Variants in RAPGEF4 observed in about 807,000 individuals in gnomAD.
RAPGEF4 encodes the protein Rap guanine nucleotide exchange factor 4.
Under a neutral mutation model 147.9 loss-of-function variants are expected in RAPGEF4, and 66 were observed. The observed-to-expected ratio is 0.45, with a 90% CI of 0.37 to 0.55. The LOEUF (loss-of-function observed/expected upper bound fraction) is 0.55. Among genes scored for constraint, RAPGEF4 ranks in the 20% least tolerant of loss-of-function variants. RAPGEF4 has a pLI of 0.00. For synonymous variants in RAPGEF4, 419 were observed against 442.7 expected (o/e 0.95, Z 0.67); for missense variants, 1,071 against 1,257.3 (o/e 0.85, Z 2.24).
chr2:172,758,833 C>G (rs1340912858), intron 1 of RAPGEF4, among the ~76,000 whole-genome samples: 1 of 152,062 alleles, frequency 6.6e-6, no homozygotes, highest in Admixed American at 6.5e-5. Context: ...ATATATGCTT[C>G]TGGAGTTTGG....
intron 23 of RAPGEF4, among the ~76,000 whole-genome samples, chr2:173,022,329 C>T (rs1045085046): frequency 2.6e-5 from 4 of 152,202 alleles, no homozygotes; most frequent in Admixed American, 6.5e-5. Flanking sequence ...CTTGCTCGTC[C>T]TCTGTTTTAA....
chr2:172,791,054 TG>T (rs1189740498), intron 1 of RAPGEF4, among the ~76,000 whole-genome samples: 1 of 152,244 alleles, frequency 6.6e-6, no homozygotes, highest in Non-Finnish European at 1.5e-5. Context: ...GGCCTATTCC[TG>T]CAAGCCTTTT....
chr2:172,785,377 T>G (rs1454733826), intron 1 of RAPGEF4, among the ~76,000 whole-genome samples: 1 of 152,200 alleles, frequency 6.6e-6, no homozygotes. Context: ...CTTGAGATAC[T>G]TTTTAAAAAA....
At chr2:172,946,117 A>C (rs1012174550) in intron 6 of RAPGEF4, among the ~76,000 whole-genome samples, 2 of 152,268 alleles carry the variant, frequency 1.3e-5, no homozygotes, top group African/African-American at 4.8e-5. Context: ...TATACATTTA[A>C]AGGAATTTTG....
chr2:172,859,070 G>A (rs771864199), intron 4 of RAPGEF4, among the ~76,000 whole-genome samples: 1 of 152,150 alleles, frequency 6.6e-6, no homozygotes, highest in Non-Finnish European at 1.5e-5. Flanking sequence ...GAAAATGGGT[G>A]TGTTAAATTT....
chr2:172,749,706 A>G (rs1327855407), intron 1 of RAPGEF4, among the ~76,000 whole-genome samples: 1 of 152,234 alleles, frequency 6.6e-6, no homozygotes, highest in Non-Finnish European at 1.5e-5. Flanking sequence ...TGCAGCCAGC[A>G]TGAATTTCTC....
intron 3 of RAPGEF4, among the ~76,000 whole-genome samples, chr2:172,802,316 T>C (rs1574885921): frequency 2.0e-5 from 3 of 152,218 alleles, no homozygotes; most frequent in South Asian, 4.1e-4. Flanking sequence ...ATTGGACTTA[T>C]AGTTCCACAT....
chr2:172,863,177 A>ATG (rs937778122), intron 4 of RAPGEF4, among the ~76,000 whole-genome samples: 1 of 152,062 alleles, frequency 6.6e-6, no homozygotes, highest in Non-Finnish European at 1.5e-5. Context: ...GCAAAGTCTA[A>ATG]TGTGTGTGTG....
chr2:172,956,559 T>A (rs1012170910), intron 6 of RAPGEF4, among the ~76,000 whole-genome samples: 2 of 148,264 alleles, frequency 1.3e-5, no homozygotes, highest in Non-Finnish European at 3.0e-5. Flanking sequence ...AACCTCCGCC[T>A]CCCGGGTTCA....
chr2:173,007,957 G>A (rs1053924625), intron 17 of RAPGEF4, among the ~76,000 whole-genome samples: 2 of 152,128 alleles, frequency 1.3e-5, no homozygotes, highest in African/African-American at 2.4e-5. Flanking sequence ...GTAATTATAT[G>A]ATACGGTCTG....
intron 3 of RAPGEF4, among the ~76,000 whole-genome samples, chr2:172,806,844 C>T (rs988161770): frequency 2.6e-5 from 4 of 152,070 alleles, no homozygotes; most frequent in African/African-American, 9.7e-5. Context: ...TTTTATTTGC[C>T]TTCTCTTTTT....
intron 1 of RAPGEF4, among the ~76,000 whole-genome samples, chr2:172,793,463 C>A (rs1425681033): frequency 6.6e-6 from 1 of 152,142 alleles, no homozygotes; most frequent in East Asian, 1.9e-4. Flanking sequence ...GTTCTCAGTC[C>A]AGCCCCAACA....
rs1409649531 is a variant in RAPGEF4 at position 173,016,233 on chromosome 2, A to G, written c.1810-116A>G. ...TGTTCTTCCTCCAGTCCATGAAGCC[A>G]TGGTCTGGAGATGCTGGTGAAGCAG... is the stretch of plus-strand genomic sequence containing the variant. On this transcript the variant is annotated intron_variant, in intron 18 of 30. Coordinates refer to ENST00000397081, the MANE Select transcript of RAPGEF4 (RefSeq NM_007023.4). The G allele has an allele frequency of 8.8e-6, 6 of 684,636 alleles. No homozygotes were observed. In the East Asian group the frequency reaches 1.6e-4, roughly 18 times the overall value. The allele number at this position is 684,636 out of a possible 1,614,324, so 42.4% of individuals were successfully genotyped here.
At chr2:172,996,855 G>T (rs914826395) in intron 16 of RAPGEF4, among the ~76,000 whole-genome samples, 3 of 152,098 alleles carry the variant, frequency 2.0e-5, no homozygotes, top group Non-Finnish European at 2.9e-5. Flanking sequence ...GGCATCTATT[G>T]GGTTTATCAT....
intron 4 of RAPGEF4, among the ~76,000 whole-genome samples, chr2:172,837,036 G>A (rs1238159702): frequency 6.6e-6 from 1 of 152,192 alleles, no homozygotes; most frequent in South Asian, 2.1e-4. Flanking sequence ...CCTGAGGTAT[G>A]TAAGGAGAAT....
In RAPGEF4 at chr2:172,951,723, A is replaced by C. The variant is rs1007984270; in HGVS notation, c.538-9037A>C. 3.9e-5 allele frequency among the ~76,000 whole-genome samples: 6 copies of C among 152,324 alleles called. No individual in the cohort carries two copies. The South Asian group carries it at 6.2e-4, about 16-fold the overall frequency. On this transcript the variant is annotated intron_variant, in intron 6 of 30. Coordinates refer to ENST00000397081, the MANE Select transcript of RAPGEF4 (RefSeq NM_007023.4). ...CTGAGCAGAGGGCTAGAGAGCAGAG[A>C]TAAGATCAGAGGTTGCAAGGAGCCA...
chr2:172,992,241 A>C (rs1692908667), intron 15 of RAPGEF4, among the ~76,000 whole-genome samples: 1 of 152,244 alleles, frequency 6.6e-6, no homozygotes, highest in South Asian at 2.1e-4. Flanking sequence ...ATTACCATAG[A>C]AATTTCCTTA....
At chr2:172,874,696 C>T (rs547546689) in intron 4 of RAPGEF4, among the ~76,000 whole-genome samples, 4 of 151,904 alleles carry the variant, frequency 2.6e-5, no homozygotes, top group South Asian at 2.1e-4. Flanking sequence ...TGAATAGTGC[C>T]GCAATAAACA....
chr2:172,736,949 A>C (rs1334968441), intron 1 of RAPGEF4, among the ~76,000 whole-genome samples: 2 of 152,252 alleles, frequency 1.3e-5, no homozygotes, highest in African/African-American at 4.8e-5. Context: ...AGCTATCTGC[A>C]TGACATCTCT....
Sources: gnomAD v4.1 joint callset for allele counts (sites outside exome capture counted in the v4.1 genomes callset) on GRCh38, gnomAD v4.1.1 for gene constraint, MANE v1.5 for transcripts, NCBI Gene and HGNC (gene_info 2026-07-23, HGNC 2026-07-21) for gene names.